Variants in TGFBR3 observed in about 807,000 individuals in gnomAD.
The protein encoded by TGFBR3 is transforming growth factor beta receptor 3.
A neutral mutation model predicts 87.9 loss-of-function variants in TGFBR3; 46 were observed. The observed-to-expected ratio is 0.52, with a 90% confidence interval of 0.41 to 0.67. The LOEUF (loss-of-function observed/expected upper bound fraction) is 0.67. Ranked by LOEUF, TGFBR3 falls within the 30% of genes least tolerant of loss-of-function variation. The pLI, the probability that TGFBR3 is intolerant of heterozygous loss-of-function variation, is 0.00. For missense variants in TGFBR3, 866 were observed against 1,041.9 expected (o/e 0.83, Z 2.32); for synonymous variants, 381 against 391.6 (o/e 0.97, Z 0.32).
chr1:91,877,474 A>C (rs1678849956), intron 1 of TGFBR3, among the ~76,000 whole-genome samples: 1 of 152,116 alleles, frequency 6.6e-6, no homozygotes, highest in Non-Finnish European at 1.5e-5. Flanking sequence ...CTACAGGCAC[A>C]CACCACCATG....
Position 91,712,559 on chromosome 1 carries a change from A to G in TGFBR3, c.1867-17T>C, listed in dbSNP as rs1205600904. On this transcript the variant is annotated splice_polypyrimidine_tract_variant and intron_variant, in intron 12 of 16. Coordinates refer to ENST00000212355, the MANE Select transcript of TGFBR3 (RefSeq NM_003243.5). ...AACAGATACCTATGAAAGAACAGAA[A>G]GATGAATTAGGAAATGAGTTAGCAT... 6.2e-7 allele frequency: 1 copy of G among 1,613,706 alleles called. No individual in the cohort carries two copies. Among genetic ancestry groups the G allele is most frequent in the East Asian group, 2.2e-5 (1 of 44,836 alleles).
intron 2 of TGFBR3, among the ~76,000 whole-genome samples, chr1:91,826,764 G>A (rs1269386330): frequency 2.2e-5 from 3 of 134,700 alleles, no homozygotes; most frequent in East Asian, 4.5e-4. Context: ...AAAAAGGCCT[G>A]GCCATGCCAC....
At chr1:91,727,891 T>C in intron 6 of TGFBR3, 85 bp from the exon 7 acceptor site, 2 of 1,525,000 alleles carry the variant, frequency 1.3e-6, no homozygotes, top group South Asian at 1.1e-5. Context: ...TTCATGTTTC[T>C]AGTGTCTGGC....
At chr1:91,688,750 A>T (rs984099969) in intron 16 of TGFBR3, among the ~76,000 whole-genome samples, 3 of 152,168 alleles carry the variant, frequency 2.0e-5, no homozygotes, top group African/African-American at 7.2e-5. Context: ...AGTCAAGCGC[A>T]TACCCAAAAG....
At chr1:91,735,014 T>A (rs1054102083) in intron 4 of TGFBR3, 55 bp from the exon 5 acceptor site, 78 of 1,598,780 alleles carry the variant, frequency 4.9e-5, no homozygotes, top group Non-Finnish European at 6.2e-5. Flanking sequence ...AGCTGAATCA[T>A]AATTAGAGAA....
At chr1:91,891,362 A>G (rs1461756587) in intron 2 of TGFBR3, among the ~76,000 whole-genome samples, 2 of 151,754 alleles carry the variant, frequency 1.3e-5, no homozygotes, top group Non-Finnish European at 2.9e-5. Context: ...GCTAGGCGTG[A>G]GGGTATGTGC....
At chr1:91,889,237 A>G (rs185711633), upstream of TGFBR3, among the ~76,000 whole-genome samples, 1 of 152,294 alleles carries the variant, frequency 6.6e-6, no homozygotes, top group East Asian at 1.9e-4. Flanking sequence ...CAGCCCTCTA[A>G]GAATATGTAT....
intron 1 of TGFBR3, among the ~76,000 whole-genome samples, chr1:91,878,558 C>A (rs1678948584): frequency 6.6e-6 from 1 of 152,208 alleles, no homozygotes; most frequent in Admixed American, 6.5e-5. Flanking sequence ...GACCCTCCAC[C>A]TGGCCCATTT....
intron 1 of TGFBR3, among the ~76,000 whole-genome samples, chr1:91,904,098 C>T (rs185512581): frequency 6.6e-6 from 1 of 152,214 alleles, no homozygotes; most frequent in East Asian, 1.9e-4. Context: ...ACACAAGAAT[C>T]GCTTGAACCC....
Position 91,734,765 on chromosome 1 carries a change from A to G in TGFBR3, c.568+11T>C. ...TAAATCAGTCATTAACTGAAGCCAC[A>G]TAAAATTTACCTTCCCCCACTTTAA... On this transcript the variant is annotated intron_variant, in intron 5 of 16. Coordinates refer to ENST00000212355, the MANE Select transcript of TGFBR3 (RefSeq NM_003243.5). 6.2e-7 allele frequency: 1 copy of G among 1,614,126 alleles called. No homozygotes were observed. The highest frequency in any genetic ancestry group is 8.5e-7 in the Non-Finnish European group (1 of 1,179,952).
chr1:91,816,398 T>C (rs1676224836), intron 2 of TGFBR3, among the ~76,000 whole-genome samples: 2 of 152,184 alleles, frequency 1.3e-5, no homozygotes, highest in Admixed American at 1.3e-4. Context: ...TTTCTCCTCA[T>C]TTTTCTCAAT....
At chr1:91,786,749 T>G (rs1267219260) in intron 3 of TGFBR3, among the ~76,000 whole-genome samples, 1 of 144,054 alleles carries the variant, frequency 6.9e-6, no homozygotes, top group East Asian at 2.0e-4. Flanking sequence ...AGACTGTGTC[T>G]CCAAAAAAAA....
intron 2 of TGFBR3, among the ~76,000 whole-genome samples, chr1:91,897,376 T>C (rs1175829560): frequency 1.3e-5 from 2 of 152,192 alleles, no homozygotes; most frequent in South Asian, 2.1e-4. Context: ...TGGTAAAAGG[T>C]TTTGTTATCT....
In TGFBR3 at chr1:91,680,635, GAAC is replaced by G. The variant is rs1321605539; in HGVS notation, c.*3101_*3103del. The G allele has an allele frequency of 2.2e-6, 1 of 453,996 alleles. No homozygotes were observed. Among genetic ancestry groups the G allele is most frequent in the Non-Finnish European group, 4.4e-6 (1 of 226,778 alleles). 28.1% of individuals were successfully genotyped at this position (453,996 alleles called of 1,614,324 possible). A position where few individuals can be genotyped will look rare whatever the true frequency, so the allele number is the denominator to read the frequency against. On this transcript the variant is annotated 3_prime_UTR_variant, in exon 17 of 17. Transcript: ENST00000212355. ...TTAGAAAAACATCTGTCAGTTTCATGAACAACCCCCAGATAAAACAAACATGAA... is the reference window on the plus strand; with the variant it reads ...TTAGAAAAACATCTGTCAGTTTCATGAACCCCCAGATAAAACAAACATGAA...
chr1:91,768,530 G>A (rs1348794318), intron 3 of TGFBR3, among the ~76,000 whole-genome samples: 1 of 152,208 alleles, frequency 6.6e-6, no homozygotes, highest in African/African-American at 2.4e-5. Context: ...GGCCTAATGG[G>A]AGGTGACTGC....
Position 91,722,074 on chromosome 1 carries a change from T to G in TGFBR3, c.956A>C (p.Asp319Ala), listed in dbSNP as rs769150204. ...SMTMTKSIRD[D>A]IPSTQGNLVK... ...CAGATTCCCTTGGGTTGAAGGAATG[T>G]CATCTCTTATTGATTTGGTCATTGT... The change falls in exon 8 of 17, where the codon GAC becomes GCC. Residue 319 changes from aspartate to alanine, a missense_variant. Coordinates refer to ENST00000212355, the MANE Select transcript of TGFBR3 (RefSeq NM_003243.5). The G allele has an allele frequency of 1.2e-6, 2 of 1,613,992 alleles. No individual in the cohort carries two copies. The highest frequency in any genetic ancestry group is 3.3e-5 in the Admixed American group (2 of 60,012).
intron 1 of TGFBR3, among the ~76,000 whole-genome samples, chr1:91,885,086 C>T (rs144355537): frequency 6.6e-6 from 1 of 152,330 alleles, no homozygotes; most frequent in African/African-American, 2.4e-5. Flanking sequence ...AGCAACTTTA[C>T]GGGGCAAGTA....
chr1:91,748,568 T>A (rs1407078014), intron 4 of TGFBR3, among the ~76,000 whole-genome samples: 1 of 152,192 alleles, frequency 6.6e-6, no homozygotes, highest in African/African-American at 2.4e-5. Flanking sequence ...GATGCCCTGA[T>A]TTGGCTCTAT....
intron 2 of TGFBR3, among the ~76,000 whole-genome samples, chr1:91,808,844 T>C (rs1356313866): frequency 6.6e-6 from 1 of 152,196 alleles, no homozygotes; most frequent in East Asian, 1.9e-4. Flanking sequence ...AAGGAGACAC[T>C]GGCTACAGCA....
Sources: allele counts gnomAD v4.1 joint callset (sites outside exome capture counted in the v4.1 genomes callset), GRCh38; gene constraint gnomAD v4.1.1; transcripts MANE v1.5; gene names NCBI Gene and HGNC (gene_info 2026-07-23, HGNC 2026-07-21).